Variants in BAZ1B observed in about 807,000 individuals in gnomAD.
The protein encoded by BAZ1B is bromodomain adjacent to zinc finger domain 1B.
BAZ1B carries 22 observed loss-of-function variants against 153.8 expected under a neutral mutation model. The ratio of observed to expected loss-of-function variants is 0.14; its 90% confidence interval spans 0.10 to 0.20. BAZ1B has a LOEUF of 0.20. BAZ1B is among the 10% of genes least tolerant of loss of function. BAZ1B has a pLI of 1.00. For missense variants in BAZ1B, 1,325 were observed against 1,799.3 expected (o/e 0.74, Z 4.77); for synonymous variants, 676 against 633.4 (o/e 1.07, Z -1.01).
Position 73,453,851 on chromosome 7 carries a change from T to C in BAZ1B, c.3433-2857A>G, listed in dbSNP as rs145454881. 5.3e-3 allele frequency among the ~76,000 whole-genome samples: 805 copies of C among 151,872 alleles called. 3 individuals carry two copies. The highest frequency in any genetic ancestry group is 0.018 in the African/African-American group (760 of 41,382). ...AGAAAAAGCCGGGTATGGTGGCACA[T>C]GCCTGTGGTCCCAGTTACTTGGGAG... On this transcript the variant is annotated intron_variant, in intron 13 of 19. Coordinates refer to ENST00000339594, the MANE Select transcript of BAZ1B (RefSeq NM_032408.4).
In BAZ1B at chr7:73,465,426, GA is replaced by G; in HGVS notation, c.3071+12del. On this transcript the variant is annotated intron_variant, in intron 11 of 19. Coordinates refer to ENST00000339594, the MANE Select transcript of BAZ1B (RefSeq NM_032408.4). Reference sequence around the variant, plus strand: ...AGAAGTAAGATGTGAGGAGTAAGATGAAAACCTCTTACCTCTTCTCTAGTCT... The same window carrying G: ...AGAAGTAAGATGTGAGGAGTAAGATGAAACCTCTTACCTCTTCTCTAGTCT... 6.5e-7 allele frequency: 1 copy of G among 1,536,618 alleles called. No homozygotes were observed. The highest frequency in any genetic ancestry group is 1.2e-5 in the South Asian group (1 of 82,350).
intron 17 of BAZ1B, 116 bp downstream of exon 17, chr7:73,443,868 G>T: frequency 2.0e-6 from 3 of 1,502,188 alleles, no homozygotes; most frequent in African/African-American, 2.8e-5. Flanking sequence ...CCCAAGTTTG[G>T]TAAGAAGGAG....
intron 6 of BAZ1B, among the ~76,000 whole-genome samples, chr7:73,483,507 T>C (rs1789279205): frequency 6.6e-6 from 1 of 152,230 alleles, no homozygotes; most frequent in Non-Finnish European, 1.5e-5. Context: ...AATTTGTTAC[T>C]ATAAAATATA....
At chr7:73,444,518 G>C (rs782630453) in intron 16 of BAZ1B, among the ~76,000 whole-genome samples, 1 of 152,192 alleles carries the variant, frequency 6.6e-6, no homozygotes, top group Non-Finnish European at 1.5e-5. Flanking sequence ...CAGCCTGAGC[G>C]AGTGGATGTA....
intron 1 of BAZ1B, among the ~76,000 whole-genome samples, chr7:73,519,465 A>G (rs529262334): frequency 6.6e-6 from 1 of 152,162 alleles, no homozygotes; most frequent in Non-Finnish European, 1.5e-5. Flanking sequence ...TTCCCGAAAG[A>G]GCAATTTCCC....
At chr7:73,496,517 C>T (rs536711218) in intron 4 of BAZ1B, among the ~76,000 whole-genome samples, 7 of 152,298 alleles carry the variant, frequency 4.6e-5, no homozygotes, top group South Asian at 2.1e-4. Context: ...TCCTCTAATA[C>T]TCATGCGGAG....
intron 2 of BAZ1B, among the ~76,000 whole-genome samples, 180 bp from the exon 3 acceptor site, chr7:73,508,651 G>A (rs950223502): frequency 6.6e-6 from 1 of 152,200 alleles, no homozygotes; most frequent in East Asian, 1.9e-4. Context: ...TCCTGGGCTC[G>A]AACAATCCTC....
intron 9 of BAZ1B, among the ~76,000 whole-genome samples, chr7:73,467,721 G>T (rs531207376): frequency 1.3e-5 from 2 of 152,046 alleles, no homozygotes; most frequent in African/African-American, 4.8e-5. Flanking sequence ...TGGAAAACAC[G>T]AAACAACATC....
At chr7:73,480,346 GTTA>G (rs2116347381) in intron 6 of BAZ1B, among the ~76,000 whole-genome samples, 1 of 151,908 alleles carries the variant, frequency 6.6e-6, no homozygotes, top group South Asian at 2.1e-4. Context: ...CAGTTAACAG[GTTA>G]CAGTCCGGTC....
At chr7:73,467,774 T>C (rs1554571412) in intron 9 of BAZ1B, among the ~76,000 whole-genome samples, 1 of 152,184 alleles carries the variant, frequency 6.6e-6, no homozygotes, top group Non-Finnish European at 1.5e-5. Flanking sequence ...TCCCCAATCT[T>C]GTCTCGGGGA....
chr7:73,481,434 C>T (rs1026581305), intron 6 of BAZ1B, among the ~76,000 whole-genome samples: 2 of 147,976 alleles, frequency 1.4e-5, no homozygotes, highest in Non-Finnish European at 3.0e-5. Context: ...GGAGAATGGC[C>T]TGAACCTGGG....
chr7:73,462,780 T>G (rs1390454434), intron 12 of BAZ1B, 142 bp downstream of exon 12: 1 of 861,086 alleles, frequency 1.2e-6, no homozygotes, highest in Admixed American at 2.6e-5. Flanking sequence ...AAGGTATTTT[T>G]GGTTCCATAC....
At chr7:73,472,539 T>C (rs1183198533) in intron 7 of BAZ1B, among the ~76,000 whole-genome samples, 1 of 152,202 alleles carries the variant, frequency 6.6e-6, no homozygotes, top group African/African-American at 2.4e-5. Flanking sequence ...ATTGTAGGTG[T>C]TGAGCCACTG....
intron 1 of BAZ1B, among the ~76,000 whole-genome samples, chr7:73,518,988 A>C: frequency 6.7e-6 from 1 of 148,586 alleles, no homozygotes; most frequent in Middle Eastern, 3.4e-3. Flanking sequence ...ATTCTGATAA[A>C]GTTAGTGTTT....
chr7:73,508,668 C>G (rs1277069815), intron 2 of BAZ1B, among the ~76,000 whole-genome samples, 197 bp from the exon 3 acceptor site: 1 of 152,224 alleles, frequency 6.6e-6, no homozygotes, highest in Non-Finnish European at 1.5e-5. Flanking sequence ...CCTCCTACCT[C>G]TCAGGTAGCT....
intron 4 of BAZ1B, among the ~76,000 whole-genome samples, chr7:73,493,187 G>A (rs568471957): frequency 7.9e-5 from 12 of 152,274 alleles, no homozygotes; most frequent in South Asian, 2.1e-4. Flanking sequence ...GAGGCCGGGC[G>A]TGGTGGCTCA....
intron 13 of BAZ1B, among the ~76,000 whole-genome samples, chr7:73,454,161 A>AATAAATAAATAC (rs1453944311): frequency 2.0e-5 from 3 of 151,218 alleles, no homozygotes; most frequent in Non-Finnish European, 4.4e-5. Context: ...TAAATAAATA[A>AATAAATAAATAC]ATAAAAATTT....
chr7:73,505,054 C>T (rs1790280476), intron 3 of BAZ1B, among the ~76,000 whole-genome samples: 1 of 152,152 alleles, frequency 6.6e-6, no homozygotes, highest in African/African-American at 2.4e-5. Context: ...CCTCCCTCTT[C>T]TCTCTTGCCA....
At chr7:73,475,965 G>C (rs1269904579) in intron 7 of BAZ1B, among the ~76,000 whole-genome samples, 2 of 151,506 alleles carry the variant, frequency 1.3e-5, no homozygotes, top group African/African-American at 4.8e-5. Context: ...AAATAGAGGT[G>C]GTCTATTTTG....
Sources: gnomAD v4.1 joint callset for allele counts (sites outside exome capture counted in the v4.1 genomes callset) on GRCh38, gnomAD v4.1.1 for gene constraint, MANE v1.5 for transcripts, NCBI Gene and HGNC (gene_info 2026-07-23, HGNC 2026-07-21) for gene names.